PLCB4: variants seen among roughly 807,000 people sequenced by gnomAD.
PLCB4 encodes the protein phospholipase C beta 4.
A neutral mutation model predicts 178.8 loss-of-function variants in PLCB4; 77 were observed. The ratio of observed to expected loss-of-function variants is 0.43; its 90% confidence interval spans 0.36 to 0.52. The LOEUF (loss-of-function observed/expected upper bound fraction) is 0.52. Ranked by LOEUF, PLCB4 falls within the 20% of genes least tolerant of loss-of-function variation. The probability of loss-of-function intolerance (pLI) is 0.00; values close to 1 mark genes in which losing one functional copy is unlikely to be tolerated. For missense variants in PLCB4, 1,024 were observed against 1,453.4 expected, an observed-to-expected ratio of 0.70 and a Z score of 4.80; for synonymous variants, 496 against 490.8, an observed-to-expected ratio of 1.01 and a Z score of -0.14.
intron 1 of PLCB4, among the ~76,000 whole-genome samples, chr20:9,073,859 G>A (rs888760136): frequency 2.6e-5 from 4 of 151,420 alleles, no homozygotes; most frequent in Admixed American, 2.0e-4. Context: ...GTGCACTCTA[G>A]CCTGGGTGAC....
At chr20:9,326,830 A>C (rs2030675039) in intron 4 of PLCB4, among the ~76,000 whole-genome samples, 1 of 152,168 alleles carries the variant, frequency 6.6e-6, no homozygotes, top group Non-Finnish European at 1.5e-5. Flanking sequence ...AAGTCAACCC[A>C]GAGTTACGAA....
Position 9,423,888 on chromosome 20 carries a change from A to C in PLCB4, c.2460A>C (p.Pro820=). The C allele has an allele frequency of 6.2e-7, 1 of 1,613,778 alleles. No homozygotes were observed. The highest frequency in any genetic ancestry group is 8.5e-7 in the Non-Finnish European group (1 of 1,179,702). ...HISLRNEGNK[P]LSLPTIFCNI... is the part of the protein sequence containing the mutation. ...CCCTTCGAAATGAGGGAAATAAACCATTATCACTACCAACAATTTTCTGCA... is the reference window on the plus strand; with the variant it reads ...CCCTTCGAAATGAGGGAAATAAACCCTTATCACTACCAACAATTTTCTGCA... The change falls in exon 28 of 40, where the codon CCA becomes CCC. Residue 820 remains proline, a synonymous_variant. Transcript: ENST00000378473.
intron 35 of PLCB4, among the ~76,000 whole-genome samples, chr20:9,462,851 T>C (rs767783218): frequency 1.8e-4 from 27 of 152,162 alleles, no homozygotes; most frequent in Admixed American, 1.2e-3. Flanking sequence ...CTTTAGGATA[T>C]CATCCAGTAG....
chr20:9,183,755 A>G (rs1346908734), intron 2 of PLCB4, among the ~76,000 whole-genome samples: 1 of 152,184 alleles, frequency 6.6e-6, no homozygotes, highest in African/African-American at 2.4e-5. Context: ...ATTGAAAAAT[A>G]TTATTTTAAT....
chr20:9,121,377 C>T (rs35494972), intron 2 of PLCB4, among the ~76,000 whole-genome samples: 19,910 of 152,184 alleles, frequency 0.13, 1,513 homozygotes, highest in Middle Eastern at 0.19. Context: ...ACGCCGCTTA[C>T]GTGTCGTCCC....
chr20:9,323,011 A>G (rs571347431), intron 4 of PLCB4, among the ~76,000 whole-genome samples: 1 of 152,232 alleles, frequency 6.6e-6, no homozygotes, highest in African/African-American at 2.4e-5. Flanking sequence ...TTTTTTAAAA[A>G]TGGAAGTCAG....
intron 3 of PLCB4, among the ~76,000 whole-genome samples, chr20:9,282,238 G>A (rs546510299): frequency 6.6e-6 from 1 of 152,128 alleles, no homozygotes; most frequent in East Asian, 1.9e-4. Flanking sequence ...AATCATCTGT[G>A]ATAGTACCAG....
intron 2 of PLCB4, among the ~76,000 whole-genome samples, chr20:9,127,946 C>CA (rs2092168164): frequency 6.6e-6 from 1 of 152,092 alleles, no homozygotes; most frequent in South Asian, 2.1e-4. Context: ...CTCGGCCTCC[C>CA]AAAGTGCTGG....
At chr20:9,346,048 C>A (rs983103811) in intron 7 of PLCB4, among the ~76,000 whole-genome samples, 40 of 152,320 alleles carry the variant, frequency 2.6e-4, no homozygotes, top group African/African-American at 7.7e-4. Context: ...CAACCAGTTC[C>A]TCTACTGATA....
intron 1 of PLCB4, among the ~76,000 whole-genome samples, chr20:9,078,006 G>A (rs1479663714): frequency 6.6e-6 from 1 of 152,004 alleles, no homozygotes; most frequent in East Asian, 1.9e-4. Flanking sequence ...TTTTGAGACA[G>A]GGTCTTGCTC....
intron 2 of PLCB4, among the ~76,000 whole-genome samples, chr20:9,116,866 GTC>G (rs2091798240): frequency 6.6e-6 from 1 of 152,080 alleles, no homozygotes; most frequent in African/African-American, 2.4e-5. Flanking sequence ...CATTTTTAAT[GTC>G]TCTCAAAAAT....
At chr20:9,388,699 G>A (rs913748476) in intron 15 of PLCB4, among the ~76,000 whole-genome samples, 3 of 152,074 alleles carry the variant, frequency 2.0e-5, no homozygotes, top group African/African-American at 7.3e-5. Context: ...GCAACAGAGC[G>A]AGACTCTGTC....
chr20:9,372,259 G>A (rs775507714), intron 10 of PLCB4, 44 bp from the exon 11 acceptor site: 1 of 1,159,548 alleles, frequency 8.6e-7, no homozygotes, highest in Non-Finnish European at 1.3e-6. Context: ...CCCTCCAAGG[G>A]AAAAACGGTT....
At chr20:9,127,077 G>A (rs759150374) in intron 2 of PLCB4, among the ~76,000 whole-genome samples, 5 of 152,156 alleles carry the variant, frequency 3.3e-5, no homozygotes, top group South Asian at 2.1e-4. Context: ...GAGAGTGGAC[G>A]TTTTACCACC....
intron 3 of PLCB4, among the ~76,000 whole-genome samples, chr20:9,278,877 T>C (rs1016704935): frequency 1.7e-4 from 26 of 152,072 alleles, no homozygotes; most frequent in African/African-American, 6.3e-4. Context: ...TTCACTTGTT[T>C]AATAAGTACG....
intron 1 of PLCB4, among the ~76,000 whole-genome samples, chr20:9,071,374 TG>T (rs1346907636): frequency 1.3e-5 from 2 of 152,204 alleles, no homozygotes; most frequent in Admixed American, 1.3e-4. Flanking sequence ...AACTTCATTT[TG>T]GGGTTTGATT....
chr20:9,146,217 C>T (rs1046138570), intron 2 of PLCB4, among the ~76,000 whole-genome samples: 2 of 152,066 alleles, frequency 1.3e-5, no homozygotes, highest in Non-Finnish European at 2.9e-5. Context: ...GGGGTGCCTA[C>T]ATAGATCCAA....
chr20:9,094,901 G>A (rs1170231721), intron 1 of PLCB4, among the ~76,000 whole-genome samples: 1 of 152,200 alleles, frequency 6.6e-6, no homozygotes, highest in African/African-American at 2.4e-5. Flanking sequence ...ACCTGCAACT[G>A]TAGTTTCAGA....
intron 2 of PLCB4, among the ~76,000 whole-genome samples, chr20:9,106,172 T>C (rs1186669066): frequency 2.0e-5 from 3 of 151,934 alleles, no homozygotes; most frequent in Admixed American, 1.3e-4. Context: ...TATGGGGCCG[T>C]CAAACATATA....
Sources: allele counts gnomAD v4.1 joint callset (sites outside exome capture counted in the v4.1 genomes callset), GRCh38; gene constraint gnomAD v4.1.1; transcripts MANE v1.5; gene names NCBI Gene and HGNC (gene_info 2026-07-23, HGNC 2026-07-21).